Variants in STYXL1 observed in about 807,000 individuals in gnomAD.
STYXL1 encodes the protein serine/threonine/tyrosine interacting like 1.
A neutral mutation model predicts 36.4 loss-of-function variants in STYXL1; 32 were observed. That is an observed-to-expected ratio of 0.88 (90% CI 0.66 to 1.18). The LOEUF (loss-of-function observed/expected upper bound fraction) is 1.18. STYXL1 is among the 50% of genes most tolerant of loss of function. The probability of loss-of-function intolerance (pLI) is 0.00; values close to 1 mark genes in which losing one functional copy is unlikely to be tolerated. For synonymous variants in STYXL1, 133 were observed against 144.1 expected (o/e 0.92, Z 0.55); for missense variants, 354 against 394.1 (o/e 0.90, Z 0.86).
chr7:76,011,183 C>T (rs1394080101), intron 5 of STYXL1, among the ~76,000 whole-genome samples: 1 of 152,202 alleles, frequency 6.6e-6, no homozygotes, highest in Non-Finnish European at 1.5e-5. Context: ...CACTGCACTC[C>T]AGCCTGGGCA....
chr7:76,032,324 T>TGGGAG (rs1390325818), intron 1 of STYXL1, among the ~76,000 whole-genome samples: 4 of 145,484 alleles, frequency 2.7e-5, no homozygotes, highest in Non-Finnish European at 4.5e-5. Context: ...CACTTGAGGC[T>TGGGAG]GGGAGGTGGG....
intron 4 of STYXL1, among the ~76,000 whole-genome samples, chr7:76,017,797 C>T (rs1793563329): frequency 7.8e-6 from 1 of 128,822 alleles, no homozygotes; most frequent in South Asian, 2.6e-4. Flanking sequence ...TGAGGGGAAG[C>T]AGAGACTGCA....
At position 76,000,890 on chromosome 7, in the gene STYXL1, C is replaced by G; in HGVS notation, c.810G>C (p.Gln270His). The G allele has an allele frequency of 3.1e-6, 5 of 1,613,788 alleles. No individual in the cohort carries two copies. Among genetic ancestry groups the G allele is most frequent in the Non-Finnish European group, 4.2e-6 (5 of 1,179,630 alleles). Reference protein sequence around the residue: ...YLMHSNEQTLQRSWAYVKKCK... With the variant: ...YLMHSNEQTLHRSWAYVKKCK... ...CGAGCCTGGCCCGGGGAACGCATAC[C>G]TGCAAGGTCTGCTCGTTACTATGCA... The change falls in exon 8 of 9, where the codon CAG (glutamine) becomes CAC (histidine). Residue 270 changes from glutamine to histidine, a missense_variant and splice_region_variant. Gln to His is a conservative substitution (Grantham distance 24). Transcript: ENST00000359697.
At chr7:76,012,773 C>A (rs1166794202) in intron 5 of STYXL1, among the ~76,000 whole-genome samples, 2 of 152,230 alleles carry the variant, frequency 1.3e-5, no homozygotes, top group Non-Finnish European at 2.9e-5. Flanking sequence ...CTAAAGCAAT[C>A]CTCCTGCCTT....
chr7:76,026,106 G>A (rs924249020), intron 3 of STYXL1, among the ~76,000 whole-genome samples: 5 of 143,060 alleles, frequency 3.5e-5, no homozygotes, highest in Admixed American at 7.3e-5. Context: ...GCAGGATAAT[G>A]GCGTTAACCC....
In STYXL1 at chr7:76,026,648, C is replaced by T. The variant is rs576328318; in HGVS notation, c.165+1994G>A. On this transcript the variant is annotated intron_variant, in intron 3 of 8. Transcript: ENST00000359697. ...GTGGATATGTCATTGCAGCTGTAAGCTCCAGTGAAATCTCTGGCAAGAAAG... is the reference window on the plus strand; with the variant it reads ...GTGGATATGTCATTGCAGCTGTAAGTTCCAGTGAAATCTCTGGCAAGAAAG... Among the ~76,000 whole-genome samples, 5 of 152,330 alleles carry T rather than the reference C, an allele frequency of 3.3e-5. 1 individual carries two copies. In the South Asian group the frequency reaches 1.0e-3, roughly 32 times the overall value.
chr7:75,997,771 G>A lies in STYXL1; in HGVS notation c.811-1172C>T, dbSNP rs151297560. Among the ~76,000 whole-genome samples the A allele has an allele frequency of 1.3e-3, 193 of 152,060 alleles. 8 individuals carry two copies. The South Asian group carries it at 0.036, about 28-fold the overall frequency. On this transcript the variant is annotated intron_variant, in intron 8 of 8. Coordinates refer to ENST00000359697, the MANE Select transcript of STYXL1 (RefSeq NM_001317785.2). Reference sequence around the variant, plus strand: ...GCTAATAAATTCAGCAAGGATGCAGGATACAAAACCAACATGCAAAAATTA... The same window carrying A: ...GCTAATAAATTCAGCAAGGATGCAGAATACAAAACCAACATGCAAAAATTA...
chr7:76,013,326 A>C (rs1293787320), intron 5 of STYXL1, among the ~76,000 whole-genome samples: 1 of 106,484 alleles, frequency 9.4e-6, no homozygotes, highest in African/African-American at 3.5e-5. Context: ...ACTCCGTCTC[A>C]AAAAAAAAAA....
intron 1 of STYXL1, among the ~76,000 whole-genome samples, chr7:76,041,179 A>G (rs1286052564): frequency 1.3e-5 from 2 of 148,484 alleles, no homozygotes; most frequent in Middle Eastern, 3.5e-3. Context: ...CCCATCTCCA[A>G]AAAAAAAAAA....
At position 76,030,498 on chromosome 7, in the gene STYXL1, G is replaced by C. The variant is rs151087461; in HGVS notation, c.26C>G (p.Pro9Arg). MPGLLLCE[P>R]TELYNILNQA... ...ATTCAGGATGTTGTAAAGCTCTGTT[G>C]GTTCACATAAAAGCAAACCAGGCAT... The change falls in exon 2 of 9, where the codon CCA (proline) becomes CGA (arginine). Residue 9 changes from proline to arginine, a missense_variant. Physicochemically the swap from Pro to Arg is moderately radical, Grantham distance 103. Transcript: ENST00000359697. 2 of 1,613,590 alleles carry C rather than the reference G, an allele frequency of 1.2e-6. No individual in the cohort carries two copies. Among genetic ancestry groups the C allele is most frequent in the Non-Finnish European group, 1.7e-6 (2 of 1,179,628 alleles).
chr7:76,031,374 TCAAA>T (rs1353694755), intron 1 of STYXL1, among the ~76,000 whole-genome samples: 9 of 137,860 alleles, frequency 6.5e-5, no homozygotes, highest in African/African-American at 2.4e-4. Flanking sequence ...ATATTGAACT[TCAAA>T]CAAAGATGAG....
intron 5 of STYXL1, among the ~76,000 whole-genome samples, chr7:76,007,050 C>A (rs1373858580): frequency 1.3e-5 from 2 of 152,010 alleles, no homozygotes; most frequent in South Asian, 2.1e-4. Context: ...GTCATTATTC[C>A]CTAAACGATA....
At position 76,013,651 on chromosome 7, in the gene STYXL1, C is replaced by A. The variant is rs1370056520; in HGVS notation, c.453+91G>T. 7 of 1,565,542 alleles carry A rather than the reference C, an allele frequency of 4.5e-6. No homozygotes were observed. The East Asian group carries it at 1.1e-4, about 25-fold the overall frequency. On this transcript the variant is annotated intron_variant, in intron 5 of 8. Transcript: ENST00000359697. ...ACTTTCTCTATATCCTCTGTCCCAT[C>A]CTCCTGTTTCTCCCACTCAGTCACC... is the stretch of plus-strand genomic sequence containing the variant.
chr7:76,016,237 T>C (rs1461802503), intron 4 of STYXL1, among the ~76,000 whole-genome samples: 7 of 151,710 alleles, frequency 4.6e-5, no homozygotes, highest in Non-Finnish European at 7.4e-5. Flanking sequence ...TATATAATTA[T>C]GTGTGTATAG....
In STYXL1 at chr7:75,996,404, C is replaced by A. The variant is rs1554563947; in HGVS notation, c.*64G>T. ...CAAGCCTGGGTATACACACTCTGGC[C>A]CTCCACCCACAAAATGCCCCCAGGT... is the stretch of plus-strand genomic sequence containing the variant. On this transcript the variant is annotated 3_prime_UTR_variant, in exon 9 of 9. Coordinates refer to ENST00000359697, the MANE Select transcript of STYXL1 (RefSeq NM_001317785.2). 6.2e-7 allele frequency: 1 copy of A among 1,613,406 alleles called. No individual in the cohort carries two copies. The highest frequency in any genetic ancestry group is 8.5e-7 in the Non-Finnish European group (1 of 1,179,692).
chr7:76,020,334 G>C (rs1006622063), intron 4 of STYXL1, among the ~76,000 whole-genome samples: 1 of 152,210 alleles, frequency 6.6e-6, no homozygotes, highest in African/African-American at 2.4e-5. Flanking sequence ...AGTGCCCCCA[G>C]CTTCTGGAAC....
rs375481072 is a variant in STYXL1, at chr7:76,028,717, G to A, written c.104-14C>T. On this transcript the variant is annotated splice_polypyrimidine_tract_variant and intron_variant, in intron 2 of 8. Coordinates refer to ENST00000359697, the MANE Select transcript of STYXL1 (RefSeq NM_001317785.2). ...TGGAACGGACATCTGGAAAGGAAAC[G>A]TATTTAAGAACTGAATTTGCAAAGG... is the stretch of plus-strand genomic sequence containing the variant. The A allele has an allele frequency of 4.4e-5, 71 of 1,613,326 alleles. No individual in the cohort carries two copies. Among genetic ancestry groups the A allele is most frequent in the Non-Finnish European group, 5.8e-5 (68 of 1,179,382 alleles).
chr7:76,021,774 A>G, intron 4 of STYXL1, 77 bp downstream of exon 4: 2 of 1,081,856 alleles, frequency 1.8e-6, no homozygotes, highest in Non-Finnish European at 2.8e-6. Flanking sequence ...CCATGGGCAT[A>G]TGAACCTGTT....
In STYXL1 at chr7:76,003,835, T is replaced by C. The variant is rs1390690928; in HGVS notation, c.620A>G (p.Lys207Arg). 6.2e-7 allele frequency: 1 copy of C among 1,614,162 alleles called. No individual in the cohort carries two copies. Among genetic ancestry groups the C allele is most frequent in the Non-Finnish European group, 8.5e-7 (1 of 1,180,028 alleles). Residue 207 changes from lysine to arginine, a missense_variant, in exon 7 of 9, where the codon AAG becomes AGG. By Grantham distance (26) the Lys-to-Arg change is conservative (BLOSUM62 2). Coordinates refer to ENST00000359697, the MANE Select transcript of STYXL1 (RefSeq NM_001317785.2). ...ATCTTCTATCCGGATGTGCAGAAGC[T>C]TGTCAGCATCGCCTGCAAAACTACA... is the stretch of plus-strand genomic sequence containing the variant. ...TGPFFAGDAD[K>R]LLHIRIEDSP...
Sources: allele counts gnomAD v4.1 joint callset (sites outside exome capture counted in the v4.1 genomes callset), GRCh38; gene constraint gnomAD v4.1.1; transcripts MANE v1.5; gene names NCBI Gene and HGNC (gene_info 2026-07-23, HGNC 2026-07-21).